The following PDE7B variants were observed in gnomAD, a reference collection of about 807,000 sequenced individuals.
PDE7B encodes the protein 3',5'-cyclic-AMP phosphodiesterase 7B.
A neutral mutation model predicts 56.2 loss-of-function variants in PDE7B; 29 were observed. The observed-to-expected ratio is 0.52, with a 90% confidence interval of 0.38 to 0.70. The LOEUF is 0.70. PDE7B is among the 30% of genes least tolerant of loss of function. The probability of loss-of-function intolerance (pLI) is 0.00; values close to 1 mark genes in which losing one functional copy is unlikely to be tolerated. For missense variants in PDE7B, 490 were observed against 565.0 expected, an observed-to-expected ratio of 0.87 and a Z score of 1.35; for synonymous variants, 197 against 196.9, an observed-to-expected ratio of 1.00 and a Z score of 0.00.
intron 2 of PDE7B, 91 bp from the exon 3 acceptor site, chr6:136,108,640 T>C (rs1777693337): frequency 1.2e-6 from 1 of 826,382 alleles, no homozygotes; most frequent in African/African-American, 1.7e-5. Flanking sequence ...TCTCCTGACA[T>C]CTGGGGTTGG....
At chr6:135,918,365 G>A (rs1339686966) in intron 1 of PDE7B, among the ~76,000 whole-genome samples, 1 of 152,144 alleles carries the variant, frequency 6.6e-6, no homozygotes, top group African/African-American at 2.4e-5. Context: ...ATGGCTGGAT[G>A]AATTCATCAT....
intron 9 of PDE7B, among the ~76,000 whole-genome samples, chr6:136,175,249 G>A (rs1412716681): frequency 6.6e-6 from 1 of 152,118 alleles, no homozygotes; most frequent in Non-Finnish European, 1.5e-5. Flanking sequence ...TAATATATGT[G>A]AAAACTTTAT....
chr6:136,098,778 T>C (rs1030979958), intron 2 of PDE7B, among the ~76,000 whole-genome samples: 6 of 134,606 alleles, frequency 4.5e-5, no homozygotes, highest in Admixed American at 4.2e-4. Context: ...CTACTTTTCT[T>C]TTTTTTTTTT....
At chr6:136,049,606 T>C (rs1184849783) in intron 2 of PDE7B, among the ~76,000 whole-genome samples, 2 of 152,214 alleles carry the variant, frequency 1.3e-5, no homozygotes. Flanking sequence ...GAAGGTTCTG[T>C]GATGGACTGA....
intron 2 of PDE7B, among the ~76,000 whole-genome samples, chr6:136,017,103 A>C (rs1186628504): frequency 6.6e-6 from 1 of 152,212 alleles, no homozygotes; most frequent in Non-Finnish European, 1.5e-5. Context: ...TGAAACCCTC[A>C]AATAGTCCTT....
rs750467434 is a variant in PDE7B, at chr6:136,022,419, TCC to T, written c.82+74898_82+74899del. On this transcript the variant is annotated intron_variant, in intron 2 of 12. Transcript: ENST00000308191. ...TAAATTCATTTGCCTGCCTTTAACA[TCC>T]CCAAGTACAAGGAGAATAAATTCTT... 2.9e-4 allele frequency among the ~76,000 whole-genome samples: 44 copies of T among 152,294 alleles called. 1 individual carries two copies. The highest frequency in any genetic ancestry group is 2.5e-3 in the Admixed American group (39 of 15,296).
intron 1 of PDE7B, among the ~76,000 whole-genome samples, chr6:135,916,659 G>C (rs192445392): frequency 3.3e-5 from 5 of 151,748 alleles, no homozygotes; most frequent in Non-Finnish European, 7.4e-5. Context: ...CCAAAGTGCT[G>C]GGATTACAGG....
intron 11 of PDE7B, among the ~76,000 whole-genome samples, 167 bp downstream of exon 11, chr6:136,181,490 G>A (rs932276288): frequency 2.6e-5 from 4 of 151,750 alleles, no homozygotes; most frequent in East Asian, 1.9e-4. Flanking sequence ...ACCCTTTTTC[G>A]GAAAAAGTTA....
chr6:135,934,866 AAT>A (rs1373568333), intron 1 of PDE7B, among the ~76,000 whole-genome samples: 3 of 95,728 alleles, frequency 3.1e-5, no homozygotes, highest in East Asian at 5.2e-4. Flanking sequence ...TATATATAAA[AAT>A]ATATATAAAT....
intron 2 of PDE7B, among the ~76,000 whole-genome samples, chr6:136,087,270 A>G (rs953820453): frequency 9.9e-5 from 15 of 152,204 alleles, no homozygotes; most frequent in African/African-American, 3.6e-4. Context: ...TCTGATATGG[A>G]CCAGTCCATT....
At chr6:135,995,063 C>T (rs554988384) in intron 2 of PDE7B, among the ~76,000 whole-genome samples, 2 of 152,274 alleles carry the variant, frequency 1.3e-5, no homozygotes, top group East Asian at 3.9e-4. Context: ...CATGTCCCCT[C>T]CCAACTCTGC....
chr6:136,023,494 C>T (rs1562472390), intron 2 of PDE7B, among the ~76,000 whole-genome samples: 1 of 152,234 alleles, frequency 6.6e-6, no homozygotes, highest in Non-Finnish European at 1.5e-5. Flanking sequence ...CTGTATCACA[C>T]TCTTTCTTCA....
intron 2 of PDE7B, among the ~76,000 whole-genome samples, chr6:136,038,765 T>C (rs1776369441): frequency 1.3e-5 from 2 of 152,160 alleles, no homozygotes; most frequent in South Asian, 4.1e-4. Context: ...GCTTGACAAA[T>C]GCTTGCCCTT....
intron 2 of PDE7B, among the ~76,000 whole-genome samples, chr6:136,086,977 C>G (rs1777303547): frequency 6.6e-6 from 1 of 152,174 alleles, no homozygotes; most frequent in Non-Finnish European, 1.5e-5. Flanking sequence ...AGCGCCTTCA[C>G]AAGCCAACTA....
chr6:136,033,134 C>T (rs1776269306), intron 2 of PDE7B, among the ~76,000 whole-genome samples: 1 of 152,196 alleles, frequency 6.6e-6, no homozygotes, highest in East Asian at 1.9e-4. Context: ...CAGGGGCACA[C>T]ACCGAAGTAT....
chr6:136,152,789 G>C (rs566446357), intron 6 of PDE7B, among the ~76,000 whole-genome samples: 19 of 152,276 alleles, frequency 1.2e-4, no homozygotes, highest in Non-Finnish European at 2.2e-4. Flanking sequence ...AAAATAACAG[G>C]CGTGACAATA....
intron 1 of PDE7B, among the ~76,000 whole-genome samples, chr6:135,906,813 T>TTTTTTTTTTGTTTGTTTG (rs1776116108): frequency 9.1e-6 from 1 of 109,294 alleles, no homozygotes; most frequent in African/African-American, 5.2e-5. Context: ...GAGGTTTGTT[T>TTTTTTTTTTGTTTGTTTG]TTTTTTTTTT....
intron 8 of PDE7B, among the ~76,000 whole-genome samples, chr6:136,164,545 A>G (rs1412361971): frequency 6.6e-6 from 1 of 152,228 alleles, no homozygotes; most frequent in Non-Finnish European, 1.5e-5. Context: ...ATTCTTGAGC[A>G]TAATTATTCT....
intron 9 of PDE7B, among the ~76,000 whole-genome samples, chr6:136,174,155 C>T (rs1411063530): frequency 6.6e-5 from 10 of 152,152 alleles, no homozygotes; most frequent in South Asian, 2.1e-4. Context: ...AGTTTTCACA[C>T]GCTTCAGTAT....
Sources: allele counts gnomAD v4.1 joint callset (sites outside exome capture counted in the v4.1 genomes callset), GRCh38; gene constraint gnomAD v4.1.1; transcripts MANE v1.5; gene names NCBI Gene and HGNC (gene_info 2026-07-23, HGNC 2026-07-21).